Variants in ERGIC1 observed in about 807,000 individuals in gnomAD.
ERGIC1 encodes endoplasmic reticulum-golgi intermediate compartment 1.
Under a neutral mutation model 38.3 loss-of-function variants are expected in ERGIC1, and 19 were observed. The observed-to-expected ratio is 0.50, with a 90% CI of 0.35 to 0.73. The LOEUF is 0.73. Ranked by LOEUF, ERGIC1 falls within the 30% of genes least tolerant of loss-of-function variation. The pLI is 0.01. For synonymous variants in ERGIC1, 124 were observed against 157.6 expected, an observed-to-expected ratio of 0.79 and a Z score of 1.60; for missense variants, 294 against 389.2, an observed-to-expected ratio of 0.76 and a Z score of 2.06.
chr5:172,950,717 C>T lies in ERGIC1; in HGVS notation c.774C>T (p.Ala258=). ...PLYRFITTIC[A]IIGGTFTVAG... is the part of the protein sequence containing the mutation. ...CCCCTGCCCTCTTGCAGATCTGTGC[C>T]ATCATTGGCGGGACCTTCACCGTCG... The change falls in exon 10 of 10, where the codon GCC becomes GCT. Residue 258 remains alanine (A), a synonymous_variant. Transcript: ENST00000393784. The T allele has an allele frequency of 1.2e-6, 2 of 1,612,528 alleles. No individual in the cohort carries two copies. The highest frequency in any genetic ancestry group is 1.7e-6 in the Non-Finnish European group (2 of 1,178,872).
intron 1 of ERGIC1, among the ~76,000 whole-genome samples, chr5:172,843,716 C>T (rs991719196): frequency 4.6e-5 from 7 of 152,182 alleles, no homozygotes; most frequent in South Asian, 2.1e-4. Context: ...CCCTGCGGAA[C>T]GCTGTGAAGT....
chr5:172,938,722 C>T (rs1259421018), intron 9 of ERGIC1, among the ~76,000 whole-genome samples: 2 of 145,410 alleles, frequency 1.4e-5, no homozygotes, highest in Non-Finnish European at 3.0e-5. Context: ...CACTGCACTC[C>T]AGCCTGGGTA....
At chr5:172,897,449 G>GAGAA (rs1762751629) in intron 3 of ERGIC1, among the ~76,000 whole-genome samples, 1 of 148,286 alleles carries the variant, frequency 6.7e-6, no homozygotes, top group Non-Finnish European at 1.5e-5. Flanking sequence ...AAAAAAGAGA[G>GAGAA]AGAGAGGAGT....
intron 2 of ERGIC1, among the ~76,000 whole-genome samples, chr5:172,893,868 G>GATATATATATAT (rs1191189327): frequency 2.1e-4 from 6 of 28,244 alleles, no homozygotes; most frequent in Admixed American, 7.1e-4. Context: ...CACTTAGGGG[G>GATATATATATAT]ATATATATAT....
At chr5:172,932,298 A>C (rs1469163185) in intron 7 of ERGIC1, 138 bp from the exon 8 acceptor site, 3 of 724,826 alleles carry the variant, frequency 4.1e-6, no homozygotes, top group Non-Finnish European at 7.0e-6. Flanking sequence ...GAAGATGAAG[A>C]GCAGTTGGTT....
intron 1 of ERGIC1, among the ~76,000 whole-genome samples, chr5:172,870,850 C>T (rs189410968): frequency 6.6e-6 from 1 of 152,322 alleles, no homozygotes; most frequent in East Asian, 1.9e-4. Context: ...GGGTACTTGC[C>T]TGCACAGCTC....
At chr5:172,878,369 G>C (rs982746401) in intron 1 of ERGIC1, among the ~76,000 whole-genome samples, 1 of 152,172 alleles carries the variant, frequency 6.6e-6, no homozygotes, top group Non-Finnish European at 1.5e-5. Context: ...GCCCAGGGGT[G>C]AGAAGAATTG....
chr5:172,860,535 A>C (rs1375383881), intron 1 of ERGIC1, among the ~76,000 whole-genome samples: 1 of 152,228 alleles, frequency 6.6e-6, no homozygotes, highest in Non-Finnish European at 1.5e-5. Flanking sequence ...ACCTCACTGC[A>C]TGCACGGGAG....
At chr5:172,932,895 C>T (rs187831479) in intron 8 of ERGIC1, 102 of 222,872 alleles carry the variant, frequency 4.6e-4, no homozygotes, top group Admixed American at 2.8e-3. Flanking sequence ...CAGACAGACA[C>T]TCCTGCTCTC....
intron 1 of ERGIC1, among the ~76,000 whole-genome samples, chr5:172,875,968 T>G (rs1413230153): frequency 6.6e-6 from 1 of 152,228 alleles, no homozygotes; most frequent in Non-Finnish European, 1.5e-5. Flanking sequence ...TGGTATTTTC[T>G]GTAAACTGGT....
intron 1 of ERGIC1, among the ~76,000 whole-genome samples, chr5:172,854,117 A>G (rs1761480152): frequency 6.6e-6 from 1 of 152,068 alleles, no homozygotes; most frequent in Non-Finnish European, 1.5e-5. Context: ...AAGGTGGCTC[A>G]CGCCTATAAT....
At chr5:172,875,388 G>A (rs1762119337) in intron 1 of ERGIC1, among the ~76,000 whole-genome samples, 1 of 152,138 alleles carries the variant, frequency 6.6e-6, no homozygotes, top group South Asian at 2.1e-4. Context: ...AGGACAGGAA[G>A]ATGGGGTTGG....
chr5:172,839,283 T>A (rs1000398250), intron 1 of ERGIC1, among the ~76,000 whole-genome samples: 1 of 148,874 alleles, frequency 6.7e-6, no homozygotes, highest in Non-Finnish European at 1.5e-5. Flanking sequence ...GGGCCAGGTG[T>A]GGTAGCTCAC....
At chr5:172,856,737 G>T (rs889949378) in intron 1 of ERGIC1, among the ~76,000 whole-genome samples, 3 of 152,174 alleles carry the variant, frequency 2.0e-5, no homozygotes, top group African/African-American at 7.2e-5. Flanking sequence ...GTGAGGGGAG[G>T]GTTCTCCCTG....
rs865991269 is a variant in ERGIC1, at chr5:172,857,777, G to A, written c.20+23344G>A. Among the ~76,000 whole-genome samples, 18 of 152,074 alleles carry A rather than the reference G, an allele frequency of 1.2e-4. No homozygotes were observed. The South Asian group carries it at 2.7e-3, about 23-fold the overall frequency. On this transcript the variant is annotated intron_variant, in intron 1 of 9. Coordinates refer to ENST00000393784, the MANE Select transcript of ERGIC1 (RefSeq NM_001031711.3). ...CCCGGGTTCTTGTCTTACAGCTTAC[G>A]TTATGGTTCCTGGAGTGAGAGGAGT...
intron 3 of ERGIC1, among the ~76,000 whole-genome samples, chr5:172,904,519 A>T (rs1410144141): frequency 6.6e-6 from 1 of 152,232 alleles, no homozygotes; most frequent in African/African-American, 2.4e-5. Flanking sequence ...CTGCCCCCAT[A>T]GGCCTTCCCA....
chr5:172,892,934 T>C (rs1485473027), intron 2 of ERGIC1, among the ~76,000 whole-genome samples: 1 of 152,110 alleles, frequency 6.6e-6, no homozygotes, highest in Non-Finnish European at 1.5e-5. Context: ...TTGGCACTTA[T>C]TGTGTCCACC....
At chr5:172,840,666 C>T (rs1396585865) in intron 1 of ERGIC1, among the ~76,000 whole-genome samples, 1 of 152,176 alleles carries the variant, frequency 6.6e-6, no homozygotes, top group Non-Finnish European at 1.5e-5. Context: ...CCTTCGGCAA[C>T]TCTGTTACCC....
chr5:172,942,797 G>C (rs1036562969), intron 9 of ERGIC1, among the ~76,000 whole-genome samples: 3 of 152,084 alleles, frequency 2.0e-5, no homozygotes, highest in Non-Finnish European at 4.4e-5. Context: ...AGACCGAGTG[G>C]GCTCCATTTT....
Sources: allele counts gnomAD v4.1 joint callset (sites outside exome capture counted in the v4.1 genomes callset), GRCh38; gene constraint gnomAD v4.1.1; transcripts MANE v1.5; gene names NCBI Gene and HGNC (gene_info 2026-07-23, HGNC 2026-07-21).